The following MYO3B variants were observed in gnomAD, a reference collection of about 807,000 sequenced individuals.
MYO3B encodes myosin-IIIb.
Under a neutral mutation model 174.6 loss-of-function variants are expected in MYO3B, and 156 were observed. The ratio of observed to expected loss-of-function variants is 0.89; its 90% confidence interval spans 0.78 to 1.02. The LOEUF (loss-of-function observed/expected upper bound fraction) is 1.02, where lower values mean the gene tolerates loss of function less well. Ranked by LOEUF, MYO3B falls within the 50% of genes least tolerant of loss-of-function variation. The pLI, the probability that MYO3B is intolerant of heterozygous loss-of-function variation, is 0.00. For synonymous variants in MYO3B, 563 were observed against 569.1 expected, an observed-to-expected ratio of 0.99 and a Z score of 0.15; for missense variants, 1,632 against 1,639.4, an observed-to-expected ratio of 1.00 and a Z score of 0.08.
At chr2:170,491,480 C>G (rs999807196) in intron 25 of MYO3B, among the ~76,000 whole-genome samples, 1 of 151,900 alleles carries the variant, frequency 6.6e-6, no homozygotes, top group Non-Finnish European at 1.5e-5. Context: ...GGCTGGAGTG[C>G]AGTGGCGCGA....
At position 170,483,207 on chromosome 2, in the gene MYO3B, T is replaced by C. The variant is rs186184365; in HGVS notation, c.3015-15385T>C. Among the ~76,000 whole-genome samples, 4 of 152,276 alleles carry C rather than the reference T, an allele frequency of 2.6e-5. No individual in the cohort carries two copies. In the East Asian group the frequency reaches 7.7e-4, roughly 29 times the overall value. On this transcript the variant is annotated intron_variant, in intron 25 of 34. Coordinates refer to ENST00000408978, the MANE Select transcript of MYO3B (RefSeq NM_138995.5). ...TTTCTGATTTTCCAAATGTTCTGTG[T>C]TATAAGCAACCTCATGAATTAGTTC...
At position 170,519,465 on chromosome 2, in the gene MYO3B, G is replaced by T; in HGVS notation, c.3500G>T (p.Ser1167Ile). ...KVLRGSVHRR[S>I]HSQAESNNGR... is the part of the protein sequence containing the mutation. ...CTCAGGGGCTCTGTACATCGTAGGA[G>T]CCATTCACAAGCAGAATCCAACAAT... The change falls in exon 30 of 35, where the codon AGC becomes ATC. Residue 1167 changes from serine to isoleucine, a missense_variant. Physicochemically the swap from Ser to Ile is moderately radical, Grantham distance 142 (BLOSUM62 -2). Coordinates refer to ENST00000408978, the MANE Select transcript of MYO3B (RefSeq NM_138995.5). 1 of 1,613,814 alleles carries T rather than the reference G, an allele frequency of 6.2e-7. No individual in the cohort carries two copies. The highest frequency in any genetic ancestry group is 8.5e-7 in the Non-Finnish European group (1 of 1,179,936).
At chr2:170,201,619 TGTAA>T (rs1329627704) in intron 3 of MYO3B, among the ~76,000 whole-genome samples, 1 of 152,124 alleles carries the variant, frequency 6.6e-6, no homozygotes, top group Non-Finnish European at 1.5e-5. Context: ...ATATATAAGA[TGTAA>T]GGGATTTTGG....
intron 7 of MYO3B, among the ~76,000 whole-genome samples, chr2:170,309,451 C>CT (rs1307301877): frequency 6.6e-6 from 1 of 152,180 alleles, no homozygotes; most frequent in East Asian, 1.9e-4. Context: ...CTTATTAACT[C>CT]TAACTTATCT....
At chr2:170,600,900 A>G (rs903984899) in intron 32 of MYO3B, among the ~76,000 whole-genome samples, 3 of 152,224 alleles carry the variant, frequency 2.0e-5, no homozygotes, top group Non-Finnish European at 2.9e-5. Context: ...GAGTAGATTG[A>G]TTACTTATCA....
chr2:170,343,074 CA>C (rs1383966441), intron 8 of MYO3B, among the ~76,000 whole-genome samples: 24 of 147,530 alleles, frequency 1.6e-4, no homozygotes, highest in Admixed American at 6.1e-4. Flanking sequence ...CACACACACA[CA>C]CACCCCTCTC....
intron 30 of MYO3B, among the ~76,000 whole-genome samples, chr2:170,541,628 G>A (rs1308494927): frequency 2.6e-5 from 4 of 152,136 alleles, no homozygotes; most frequent in African/African-American, 9.7e-5. Context: ...AATAGTAAGA[G>A]TATTCTTACT....
At chr2:170,409,932 T>A (rs373705413) in intron 22 of MYO3B, among the ~76,000 whole-genome samples, 10 of 152,196 alleles carry the variant, frequency 6.6e-5, no homozygotes, top group African/African-American at 2.4e-4. Flanking sequence ...GGGGTTATTA[T>A]GTTACAGCCT....
chr2:170,180,582 GT>G (rs869108060), intron 1 of MYO3B, among the ~76,000 whole-genome samples: 2 of 151,952 alleles, frequency 1.3e-5, no homozygotes, highest in Non-Finnish European at 2.9e-5. Context: ...TCTCTTATAT[GT>G]TTTTTTAAAA....
chr2:170,255,324 A>T (rs1418906621), intron 7 of MYO3B, among the ~76,000 whole-genome samples: 3 of 149,444 alleles, frequency 2.0e-5, no homozygotes, highest in Non-Finnish European at 4.4e-5. Context: ...TAAGGGAGTC[A>T]TCTCTTGTGC....
intron 1 of MYO3B, among the ~76,000 whole-genome samples, chr2:170,185,867 G>A (rs914878794): frequency 6.6e-6 from 1 of 151,678 alleles, no homozygotes; most frequent in Non-Finnish European, 1.5e-5. Flanking sequence ...TCATTTTTTT[G>A]GGTTAATTCC....
At chr2:170,488,106 A>G (rs918374806) in intron 25 of MYO3B, among the ~76,000 whole-genome samples, 3 of 152,230 alleles carry the variant, frequency 2.0e-5, no homozygotes, top group African/African-American at 7.2e-5. Flanking sequence ...TGTTAATTCC[A>G]TAGAGTGTCA....
At position 170,541,501 on chromosome 2, in the gene MYO3B, A is replaced by G. The variant is rs531615010; in HGVS notation, c.3576-1405A>G. On this transcript the variant is annotated intron_variant, in intron 30 of 34. Transcript: ENST00000408978. ...TTAACCTCTCTGAACCTCTTTGTTTATCTGTATGATAGATACAATTAAAGT... is the reference window on the plus strand; with the variant it reads ...TTAACCTCTCTGAACCTCTTTGTTTGTCTGTATGATAGATACAATTAAAGT... Among the ~76,000 whole-genome samples the G allele has an allele frequency of 2.0e-5, 3 of 152,340 alleles. No homozygotes were observed. The South Asian group carries it at 6.2e-4, about 32-fold the overall frequency.
chr2:170,497,431 A>G (rs960283513), intron 25 of MYO3B, among the ~76,000 whole-genome samples: 1 of 141,564 alleles, frequency 7.1e-6, no homozygotes, highest in African/African-American at 2.4e-5. Context: ...CCTGGCTAAC[A>G]TGGTGAAACT....
At chr2:170,312,510 T>G (rs1157047429) in intron 7 of MYO3B, among the ~76,000 whole-genome samples, 2 of 152,230 alleles carry the variant, frequency 1.3e-5, no homozygotes, top group Non-Finnish European at 2.9e-5. Flanking sequence ...TAGGCAAGGG[T>G]TCTGACCCCA....
chr2:170,221,049 G>A (rs1021155909), intron 6 of MYO3B, among the ~76,000 whole-genome samples: 2 of 152,152 alleles, frequency 1.3e-5, no homozygotes, highest in African/African-American at 2.4e-5. Flanking sequence ...AATTCAACAA[G>A]CATTTATATT....
chr2:170,374,610 G>A (rs1268809600), intron 9 of MYO3B, among the ~76,000 whole-genome samples: 1 of 152,124 alleles, frequency 6.6e-6, no homozygotes, highest in Non-Finnish European at 1.5e-5. Context: ...TAGAGCAGAA[G>A]CTGTACTGTG....
At chr2:170,487,201 C>A (rs533621340) in intron 25 of MYO3B, among the ~76,000 whole-genome samples, 1 of 152,206 alleles carries the variant, frequency 6.6e-6, no homozygotes, top group Non-Finnish European at 1.5e-5. Flanking sequence ...GTTTCTCATA[C>A]GACATGGCTT....
chr2:170,504,031 A>G (rs1687458578), intron 28 of MYO3B, among the ~76,000 whole-genome samples: 1 of 152,180 alleles, frequency 6.6e-6, no homozygotes, highest in Non-Finnish European at 1.5e-5. Context: ...ACTCATTCCG[A>G]CGTTTCTGTT....
Sources: allele counts gnomAD v4.1 joint callset (sites outside exome capture counted in the v4.1 genomes callset), GRCh38; gene constraint gnomAD v4.1.1; transcripts MANE v1.5; gene names NCBI Gene and HGNC (gene_info 2026-07-23, HGNC 2026-07-21).